The following PDE7B variants were observed in gnomAD, a reference collection of about 807,000 sequenced individuals.
The protein encoded by PDE7B is phosphodiesterase 7B, also known as 3',5'-cyclic-AMP phosphodiesterase 7B.
PDE7B carries 29 observed loss-of-function variants against 56.2 expected under a neutral mutation model. The ratio of observed to expected loss-of-function variants is 0.52; its 90% CI spans 0.38 to 0.70. The LOEUF (loss-of-function observed/expected upper bound fraction) is 0.70, where lower values mean the gene tolerates loss of function less well. PDE7B is among the 30% of genes least tolerant of loss of function. The probability of loss-of-function intolerance (pLI) is 0.00; values close to 1 mark genes in which losing one functional copy is unlikely to be tolerated. For missense variants in PDE7B, 490 were observed against 565.0 expected (o/e 0.87, Z 1.35); for synonymous variants, 197 against 196.9 (o/e 1.00, Z 0.00).
chr6:135,893,503 A>C (rs1327328845), intron 1 of PDE7B, among the ~76,000 whole-genome samples: 1 of 152,006 alleles, frequency 6.6e-6, no homozygotes, highest in Non-Finnish European at 1.5e-5. Context: ...AGTCTTTGCT[A>C]TTGTGAATAG....
chr6:136,123,252 G>A (rs938878735), intron 3 of PDE7B, among the ~76,000 whole-genome samples: 9 of 152,198 alleles, frequency 5.9e-5, no homozygotes, highest in Middle Eastern at 3.4e-3. Flanking sequence ...CTAGCTACTC[G>A]GGGGGCTGAT....
At chr6:136,089,112 C>T (rs938289395) in intron 2 of PDE7B, among the ~76,000 whole-genome samples, 1 of 152,044 alleles carries the variant, frequency 6.6e-6, no homozygotes, top group African/African-American at 2.4e-5. Flanking sequence ...CATTTGAAGC[C>T]CACTTAAATG....
intron 2 of PDE7B, among the ~76,000 whole-genome samples, chr6:135,971,763 C>A (rs1775097884): frequency 6.6e-6 from 1 of 152,088 alleles, no homozygotes; most frequent in Non-Finnish European, 1.5e-5. Context: ...ATAAACTACC[C>A]ACGGCACCTA....
intron 1 of PDE7B, among the ~76,000 whole-genome samples, chr6:135,913,342 C>A (rs1003864067): frequency 3.3e-5 from 5 of 152,170 alleles, no homozygotes; most frequent in African/African-American, 9.7e-5. Flanking sequence ...AGATGCCCAG[C>A]CTGGTGCTGC....
At chr6:135,867,955 A>G (rs1223456192) in intron 1 of PDE7B, among the ~76,000 whole-genome samples, 2 of 152,220 alleles carry the variant, frequency 1.3e-5, no homozygotes, top group African/African-American at 4.8e-5. Flanking sequence ...TCTTTAAAGT[A>G]ATGCAAAAAG....
chr6:136,048,645 G>C (rs997585661), intron 2 of PDE7B, among the ~76,000 whole-genome samples: 1 of 152,162 alleles, frequency 6.6e-6, no homozygotes, highest in Non-Finnish European at 1.5e-5. Flanking sequence ...ATAGGGATAA[G>C]AAAACTTCAG....
chr6:136,002,089 C>A (rs1028140408), intron 2 of PDE7B, among the ~76,000 whole-genome samples: 1 of 152,154 alleles, frequency 6.6e-6, no homozygotes, highest in African/African-American at 2.4e-5. Flanking sequence ...AATTTCATAT[C>A]CAGTGAAACT....
At chr6:135,976,683 T>C (rs536557908) in intron 2 of PDE7B, among the ~76,000 whole-genome samples, 2 of 152,232 alleles carry the variant, frequency 1.3e-5, no homozygotes, top group African/African-American at 4.8e-5. Flanking sequence ...TCAGAGGCCC[T>C]GTGATATCCC....
At chr6:135,881,313 T>G (rs560625926) in intron 1 of PDE7B, among the ~76,000 whole-genome samples, 1 of 141,640 alleles carries the variant, frequency 7.1e-6, no homozygotes, top group Non-Finnish European at 1.5e-5. Flanking sequence ...CTGGCCAACA[T>G]GGCAAAATCC....
In PDE7B at chr6:136,193,065, A is replaced by C. The variant is rs1779255194; in HGVS notation, c.*1225A>C. 6.6e-6 allele frequency: 1 copy of C among 152,632 alleles called. No individual in the cohort carries two copies. Among genetic ancestry groups the C allele is most frequent in the Non-Finnish European group, 1.5e-5 (1 of 68,040 alleles). The allele number at this position is 152,632 out of a possible 1,614,324, so 9.5% of individuals were successfully genotyped here. A position where few individuals can be genotyped will look rare whatever the true frequency, so the allele number is the denominator to read the frequency against. Reference sequence around the variant, plus strand: ...GCCTGAATCAGTCACTTTTCAACACAGCGATGTTTTAACAAGCCAGCTGCT... The same window carrying C: ...GCCTGAATCAGTCACTTTTCAACACCGCGATGTTTTAACAAGCCAGCTGCT... On this transcript the variant is annotated 3_prime_UTR_variant, in exon 13 of 13. Transcript: ENST00000308191.
chr6:136,004,157 T>C (rs1490940383), intron 2 of PDE7B, among the ~76,000 whole-genome samples: 1 of 152,180 alleles, frequency 6.6e-6, no homozygotes, highest in Non-Finnish European at 1.5e-5. Context: ...CAACAACCCT[T>C]CATGCTAAAA....
chr6:135,984,235 C>T (rs1775342192), intron 2 of PDE7B, among the ~76,000 whole-genome samples: 1 of 152,182 alleles, frequency 6.6e-6, no homozygotes, highest in African/African-American at 2.4e-5. Flanking sequence ...CTGCCTAAGA[C>T]ATCGAAGTTA....
intron 1 of PDE7B, among the ~76,000 whole-genome samples, chr6:135,927,144 T>C (rs939143022): frequency 6.6e-6 from 1 of 152,212 alleles, no homozygotes; most frequent in African/African-American, 2.4e-5. Flanking sequence ...GTAACATGTA[T>C]GCTAAATTAA....
chr6:135,895,321 T>A (rs555113831), intron 1 of PDE7B, among the ~76,000 whole-genome samples: 1 of 152,280 alleles, frequency 6.6e-6, no homozygotes, highest in East Asian at 1.9e-4. Flanking sequence ...TATCAAGGCC[T>A]GGAAAATAAA....
chr6:135,914,379 C>T (rs2128194258), intron 1 of PDE7B, among the ~76,000 whole-genome samples: 1 of 151,776 alleles, frequency 6.6e-6, no homozygotes, highest in African/African-American at 2.4e-5. Context: ...CCCCACTTCC[C>T]AGCACTGACG....
At chr6:136,034,068 T>A (rs1202000010) in intron 2 of PDE7B, 1 of 152,162 alleles carries the variant, frequency 6.6e-6, no homozygotes, top group Non-Finnish European at 1.5e-5. Context: ...TTATTAAACT[T>A]TTTGTTTTGT....
At chr6:136,086,537 A>G (rs1015399025) in intron 2 of PDE7B, among the ~76,000 whole-genome samples, 1 of 152,098 alleles carries the variant, frequency 6.6e-6, no homozygotes, top group Non-Finnish European at 1.5e-5. Flanking sequence ...TCCTACTCTT[A>G]AGCCACTTTG....
At chr6:135,879,601 A>C (rs944446944) in intron 1 of PDE7B, among the ~76,000 whole-genome samples, 2 of 152,224 alleles carry the variant, frequency 1.3e-5, no homozygotes, top group Non-Finnish European at 2.9e-5. Context: ...TTTGTAGACA[A>C]CTGTAATGAC....
chr6:136,137,679 T>C (rs896060274), intron 3 of PDE7B, among the ~76,000 whole-genome samples: 2 of 152,106 alleles, frequency 1.3e-5, no homozygotes, highest in South Asian at 4.1e-4. Flanking sequence ...ATTTAAGGTT[T>C]CTCCTGGTAC....
Sources: allele counts gnomAD v4.1 joint callset (sites outside exome capture counted in the v4.1 genomes callset), GRCh38; gene constraint gnomAD v4.1.1; transcripts MANE v1.5; gene names NCBI Gene and HGNC (gene_info 2026-07-23, HGNC 2026-07-21).